Variants in TACC2 observed in about 807,000 individuals in gnomAD.
The protein encoded by TACC2 is transforming acidic coiled-coil containing protein 2.
Under a neutral mutation model 227.3 loss-of-function variants are expected in TACC2, and 137 were observed. The ratio of observed to expected loss-of-function variants is 0.60; its 90% CI spans 0.52 to 0.69. The LOEUF (loss-of-function observed/expected upper bound fraction) is 0.69. Among genes scored for constraint, TACC2 ranks in the 30% least tolerant of loss-of-function variants. TACC2 has a pLI of 0.00. For synonymous variants in TACC2, 1,523 were observed against 1,487.5 expected, an observed-to-expected ratio of 1.02 and a Z score of -0.55; for missense variants, 3,470 against 3,694.4, an observed-to-expected ratio of 0.94 and a Z score of 1.57.
At chr10:121,995,686 T>A (rs557975663) in intron 1 of TACC2, among the ~76,000 whole-genome samples, 3 of 152,138 alleles carry the variant, frequency 2.0e-5, no homozygotes, top group African/African-American at 7.2e-5. Context: ...CTTTCACTCA[T>A]GGTGGAAGGC....
chr10:122,235,630 GA>G (rs2095843023), intron 16 of TACC2, among the ~76,000 whole-genome samples: 2 of 152,086 alleles, frequency 1.3e-5, no homozygotes, highest in African/African-American at 4.8e-5. Context: ...GCTACTTCCT[GA>G]GAAGTTCCCC....
At chr10:122,122,151 C>T (rs963790945) in intron 5 of TACC2, among the ~76,000 whole-genome samples, 1 of 152,122 alleles carries the variant, frequency 6.6e-6, no homozygotes, top group Non-Finnish European at 1.5e-5. Context: ...GTCAGGAGAT[C>T]GAGACCATCC....
intron 5 of TACC2, chr10:122,127,275 C>G (rs2087064850): frequency 6.6e-6 from 1 of 152,656 alleles, no homozygotes; most frequent in African/African-American, 2.4e-5. Context: ...GCTTGATGAG[C>G]CTGTCACCCC....
intron 6 of TACC2, among the ~76,000 whole-genome samples, chr10:122,142,668 C>T (rs759374083): frequency 4.6e-5 from 7 of 152,224 alleles, no homozygotes; most frequent in South Asian, 2.1e-4. Flanking sequence ...AGGGCTGTGA[C>T]GCCACAAACC....
chr10:122,027,429 T>C (rs930020202), intron 2 of TACC2, among the ~76,000 whole-genome samples: 5 of 152,202 alleles, frequency 3.3e-5, no homozygotes, highest in Admixed American at 2.0e-4. Context: ...GATTCATTTT[T>C]GTGTCTGTGT....
chr10:122,107,675 C>CATAT (rs141722535), intron 5 of TACC2, among the ~76,000 whole-genome samples: 16 of 148,082 alleles, frequency 1.1e-4, no homozygotes, highest in African/African-American at 3.5e-4. Context: ...TTTTTTAAAA[C>CATAT]ATATATATAT....
chr10:122,217,500 A>G (rs2095434207), intron 11 of TACC2, among the ~76,000 whole-genome samples: 1 of 125,648 alleles, frequency 8.0e-6, no homozygotes, highest in East Asian at 2.3e-4. Flanking sequence ...CTGCAGTAGT[A>G]CGATCTTGGC....
intron 1 of TACC2, among the ~76,000 whole-genome samples, chr10:122,009,931 G>C (rs1393483678): frequency 6.6e-6 from 1 of 152,046 alleles, no homozygotes; most frequent in Non-Finnish European, 1.5e-5. Context: ...TTTTCAATAA[G>C]GTTGCCTGGG....
In TACC2 at chr10:122,249,758, A is replaced by G. The variant is rs541483775; in HGVS notation, c.8781+94A>G. 2.8e-6 allele frequency: 4 copies of G among 1,430,890 alleles called. No homozygotes were observed. In the South Asian group the frequency reaches 5.7e-5, roughly 20 times the overall value. The allele number at this position is 1,430,890 out of a possible 1,614,324, so 88.6% of individuals were successfully genotyped here. A position where few individuals can be genotyped will look rare whatever the true frequency, so the allele number is the denominator to read the frequency against. On this transcript the variant is annotated intron_variant, in intron 22 of 22. Transcript: ENST00000369005. Reference sequence around the variant, plus strand: ...CTAGACAGGCTGGGCTTCCCTGGCCACTGCTGCTCCTGAAGACGAATTCAT... The same window carrying G: ...CTAGACAGGCTGGGCTTCCCTGGCCGCTGCTGCTCCTGAAGACGAATTCAT...
intron 5 of TACC2, among the ~76,000 whole-genome samples, chr10:122,099,356 A>G (rs569922763): frequency 2.6e-5 from 4 of 152,254 alleles, no homozygotes; most frequent in South Asian, 2.1e-4. Context: ...CAGGCCACCT[A>G]TGAAGGATGG....
intron 19 of TACC2, chr10:122,246,383 T>C (rs1294816040): frequency 6.6e-6 from 1 of 152,140 alleles, no homozygotes; most frequent in African/African-American, 2.4e-5. Flanking sequence ...ACAGTGTGCC[T>C]AGTCCTGGGG....
At chr10:122,143,916 A>G (rs112092166) in intron 7 of TACC2, among the ~76,000 whole-genome samples, 2,133 of 152,256 alleles carry the variant, frequency 0.014, 54 homozygotes, top group African/African-American at 0.048. Flanking sequence ...AGTGGGAAGC[A>G]TGGTGTGGGC....
Position 122,084,687 on chromosome 10 carries a change from A to C in TACC2, c.2187A>C (p.Ala729=). The C allele has an allele frequency of 5.0e-6, 8 of 1,613,714 alleles. No individual in the cohort carries two copies. Among genetic ancestry groups the C allele is most frequent in the Non-Finnish European group, 6.8e-6 (8 of 1,180,038 alleles). ...CAGATTTTCCACCAACTCCTGTTGC[A>C]GAGGTTGCACCCAAAGCCCAGGAAG... ...EKSDFPPTPV[A]EVAPKAQEGE... The change falls in exon 4 of 23, where the codon GCA becomes GCC. Residue 729 remains alanine (A), a synonymous_variant. Coordinates refer to ENST00000369005, the MANE Select transcript of TACC2 (RefSeq NM_206862.4).
chr10:122,245,104 A>G (rs2096080354), intron 19 of TACC2: 2 of 151,962 alleles, frequency 1.3e-5, no homozygotes, highest in Admixed American at 6.5e-5. Flanking sequence ...CTAATTTGAC[A>G]CCTGCCCATT....
intron 1 of TACC2, among the ~76,000 whole-genome samples, chr10:122,001,322 C>T (rs1317634035): frequency 6.6e-6 from 1 of 152,186 alleles, no homozygotes; most frequent in African/African-American, 2.4e-5. Context: ...GAATGAGGAG[C>T]AAGGTTATGT....
At chr10:122,213,460 A>T in intron 9 of TACC2, 1 of 1,411,822 alleles carries the variant, frequency 7.1e-7, no homozygotes, top group South Asian at 1.2e-5. Flanking sequence ...AGCCATTTTT[A>T]TTTCCCCTCT....
intron 7 of TACC2, among the ~76,000 whole-genome samples, chr10:122,168,590 G>A (rs763464818): frequency 1.3e-5 from 2 of 152,162 alleles, no homozygotes. Context: ...GGTCCTCCAG[G>A]TAGCTACCAA....
At chr10:122,121,173 G>A (rs2085708771) in intron 5 of TACC2, among the ~76,000 whole-genome samples, 2 of 152,182 alleles carry the variant, frequency 1.3e-5, no homozygotes, top group Non-Finnish European at 1.5e-5. Flanking sequence ...GAGGCGGGAG[G>A]GAGGGTCATG....
chr10:122,036,917 A>G (rs1398483605), intron 2 of TACC2, among the ~76,000 whole-genome samples: 1 of 152,090 alleles, frequency 6.6e-6, no homozygotes, highest in Non-Finnish European at 1.5e-5. Context: ...TAATGTTCCA[A>G]TTTCTCTACA....
Sources: gnomAD v4.1 joint callset for allele counts (sites outside exome capture counted in the v4.1 genomes callset) on GRCh38, gnomAD v4.1.1 for gene constraint, MANE v1.5 for transcripts, NCBI Gene and HGNC (gene_info 2026-07-23, HGNC 2026-07-21) for gene names.